The following MRPS9 variants were observed in gnomAD, a reference collection of about 807,000 sequenced individuals.
MRPS9 encodes mitochondrial ribosomal protein S9.
A neutral mutation model predicts 59.9 loss-of-function variants in MRPS9; 45 were observed. The ratio of observed to expected loss-of-function variants is 0.75; its 90% CI spans 0.59 to 0.96. The LOEUF is 0.96. Among genes scored for constraint, MRPS9 ranks in the 40% least tolerant of loss-of-function variants. MRPS9 has a pLI of 0.00. For synonymous variants in MRPS9, 171 were observed against 166.8 expected (o/e 1.03, Z -0.19); for missense variants, 473 against 481.1 (o/e 0.98, Z 0.16).
intron 5 of MRPS9, among the ~76,000 whole-genome samples, chr2:105,082,659 T>C (rs1377134303): frequency 6.6e-6 from 1 of 152,062 alleles, no homozygotes; most frequent in Non-Finnish European, 1.5e-5. Context: ...AAATATAAGG[T>C]ACAGTTTATT....
chr2:105,086,616 A>C lies in MRPS9; in HGVS notation c.490-2368A>C, dbSNP rs559958634. Among the ~76,000 whole-genome samples, 5 of 152,332 alleles carry C rather than the reference A, an allele frequency of 3.3e-5. No homozygotes were observed. In the South Asian group the frequency reaches 1.0e-3, roughly 32 times the overall value. On this transcript the variant is annotated intron_variant, in intron 5 of 10. Transcript: ENST00000258455. ...GGAGGAGGGTAGTAAATTACTCAGC[A>C]ATTTACTACTATTGCTGGCATTCTT...
chr2:105,047,932 C>T (rs1679622997), intron 1 of MRPS9, among the ~76,000 whole-genome samples: 1 of 151,850 alleles, frequency 6.6e-6, no homozygotes, highest in South Asian at 2.1e-4. Flanking sequence ...ATTTCTAGTT[C>T]TAGATCACTG....
intron 3 of MRPS9, 28 bp from the exon 4 acceptor site, chr2:105,071,431 T>C: frequency 1.9e-6 from 3 of 1,585,994 alleles, no homozygotes; most frequent in Non-Finnish European, 8.6e-7. Context: ...ATGATAATTA[T>C]CTAATACATT....
intron 2 of MRPS9, among the ~76,000 whole-genome samples, chr2:105,069,713 A>G (rs1470489663): frequency 6.6e-6 from 1 of 152,030 alleles, no homozygotes; most frequent in Admixed American, 6.6e-5. Context: ...TCTTTTTCCA[A>G]ATGGCAATCA....
chr2:105,049,386 G>A lies in MRPS9; in HGVS notation c.315+36G>A, dbSNP rs1366208780. ...TTACTCTGTTGAAAAAGTAATTGCT[G>A]TAGAGTTTTAGATATTAAAAGCACT... On this transcript the variant is annotated intron_variant, in intron 2 of 10. Coordinates refer to ENST00000258455, the MANE Select transcript of MRPS9 (RefSeq NM_182640.3). 16 of 1,569,446 alleles carry A rather than the reference G, an allele frequency of 1.0e-5. No homozygotes were observed. The East Asian group carries it at 2.9e-4, about 29-fold the overall frequency.
chr2:105,045,981 C>T (rs1679585125), intron 1 of MRPS9, among the ~76,000 whole-genome samples: 2 of 152,088 alleles, frequency 1.3e-5, no homozygotes, highest in South Asian at 2.1e-4. Flanking sequence ...TCTCCTGCCT[C>T]AGCCTCCTGA....
chr2:105,079,585 A>G (rs1403000421), intron 4 of MRPS9, among the ~76,000 whole-genome samples: 2 of 152,174 alleles, frequency 1.3e-5, no homozygotes, highest in Admixed American at 6.5e-5. Flanking sequence ...GATTCTCTGA[A>G]TGCACTGCAT....
rs761260633 is a variant in MRPS9 at position 105,092,445 on chromosome 2, G to A, written c.696G>A (p.Gln232=). 3.1e-6 allele frequency: 5 copies of A among 1,613,602 alleles called. No individual in the cohort carries two copies. Among genetic ancestry groups the A allele is most frequent in the Non-Finnish European group, 4.2e-6 (5 of 1,179,866 alleles). ...TGCTAGAAAAGTTATTGACATCGCA[G>A]TGTGGTGCTGCTGAGGAAGAATTTG... is the stretch of plus-strand genomic sequence containing the variant. ...IRLLEKLLTS[Q]CGAAEEEFVQ... The change falls in exon 8 of 11, where the codon CAG becomes CAA. Residue 232 remains glutamine, a synonymous_variant. Transcript: ENST00000258455.
intron 5 of MRPS9, among the ~76,000 whole-genome samples, chr2:105,088,701 G>C (rs1680497986): frequency 6.6e-6 from 1 of 151,994 alleles, no homozygotes; most frequent in South Asian, 2.1e-4. Flanking sequence ...CACTGAAGTA[G>C]AGTTGTAAAA....
chr2:105,072,004 T>TA (rs10716983), intron 4 of MRPS9, among the ~76,000 whole-genome samples: 420 of 149,444 alleles, frequency 2.8e-3, no homozygotes, highest in Middle Eastern at 0.01. Context: ...TTTAAATGTG[T>TA]AAAAAAAAAA....
At chr2:105,087,853 T>G (rs547486032) in intron 5 of MRPS9, among the ~76,000 whole-genome samples, 201 of 143,636 alleles carry the variant, frequency 1.4e-3, no homozygotes, top group Middle Eastern at 3.4e-3. Context: ...CAAAACAGGT[T>G]GCAGAGTGAA....
chr2:105,038,141 C>G lies in MRPS9; in HGVS notation c.49C>G (p.Leu17Val), dbSNP rs765094516. The G allele has an allele frequency of 1.9e-6, 3 of 1,613,870 alleles. No homozygotes were observed. The highest frequency in any genetic ancestry group is 3.3e-5 in the Admixed American group (2 of 60,008). Reference sequence around the variant, plus strand: ...CGGCGGAGCAGTTTCGTACCGGCTTCTTCTCTGGGGTAGGGGTAGCCTCGC... The same window carrying G: ...CGGCGGAGCAGTTTCGTACCGGCTTGTTCTCTGGGGTAGGGGTAGCCTCGC... ...SYGGAVSYRL[L>V]LWGRGSLARK... is the part of the protein sequence containing the mutation. The change falls in exon 1 of 11, where the codon CTT (leucine) becomes GTT (valine). Residue 17 changes from leucine (L) to valine (V), a missense_variant. Leu to Val is a conservative substitution (Grantham distance 32). Coordinates refer to ENST00000258455, the MANE Select transcript of MRPS9 (RefSeq NM_182640.3).
chr2:105,083,365 C>G (rs1680385619), intron 5 of MRPS9, among the ~76,000 whole-genome samples: 1 of 152,094 alleles, frequency 6.6e-6, no homozygotes, highest in African/African-American at 2.4e-5. Flanking sequence ...CCAGGGTTAC[C>G]TCCTTTCCTG....
chr2:105,050,864 T>C (rs972473288), intron 2 of MRPS9, among the ~76,000 whole-genome samples: 3 of 152,236 alleles, frequency 2.0e-5, no homozygotes, highest in Non-Finnish European at 4.4e-5. Context: ...CTTTAGTGAC[T>C]GACTTGTTTC....
intron 2 of MRPS9, among the ~76,000 whole-genome samples, chr2:105,058,939 A>G (rs1476493000): frequency 2.0e-5 from 3 of 152,114 alleles, no homozygotes; most frequent in East Asian, 1.9e-4. Context: ...CGGCCTCCCA[A>G]AGTGCTGGGA....
At chr2:105,088,078 A>G (rs1437333887) in intron 5 of MRPS9, among the ~76,000 whole-genome samples, 1 of 150,496 alleles carries the variant, frequency 6.6e-6, no homozygotes, top group African/African-American at 2.4e-5. Flanking sequence ...ATCTTCTGAG[A>G]TTTGCTGATA....
intron 1 of MRPS9, 71 bp from the exon 2 acceptor site, chr2:105,049,100 T>C (rs1679661336): frequency 1.9e-6 from 2 of 1,063,524 alleles, no homozygotes; most frequent in South Asian, 3.2e-5. Flanking sequence ...TACTATTTTA[T>C]TTAAGGACAA....
intron 5 of MRPS9, among the ~76,000 whole-genome samples, chr2:105,085,758 G>A (rs1164274717): frequency 6.6e-6 from 1 of 152,064 alleles, no homozygotes; most frequent in Non-Finnish European, 1.5e-5. Flanking sequence ...TCACATCTGG[G>A]TTATTCCTGT....
At chr2:105,098,635 T>C (rs866645706) in intron 10 of MRPS9, 25 of 152,220 alleles carry the variant, frequency 1.6e-4, no homozygotes, top group African/African-American at 5.5e-4. Flanking sequence ...TTTCTGTATT[T>C]TGTCAAATAC....
Sources: gnomAD v4.1 joint callset for allele counts (sites outside exome capture counted in the v4.1 genomes callset) on GRCh38, gnomAD v4.1.1 for gene constraint, MANE v1.5 for transcripts, NCBI Gene and HGNC (gene_info 2026-07-23, HGNC 2026-07-21) for gene names.